URB2: variants seen among roughly 807,000 people sequenced by gnomAD.
The protein encoded by URB2 is unhealthy ribosome biogenesis protein 2 homolog.
Under a neutral mutation model 120.9 loss-of-function variants are expected in URB2, and 86 were observed. That is an observed-to-expected ratio of 0.71 (90% CI 0.60 to 0.85). URB2 has a LOEUF of 0.85. Ranked by LOEUF, URB2 falls within the 40% of genes least tolerant of loss-of-function variation. The pLI is 0.00. For synonymous variants in URB2, 755 were observed against 758.4 expected (o/e 1.00, Z 0.07); for missense variants, 1,765 against 1,836.5 (o/e 0.96, Z 0.71).
At position 229,635,034 on chromosome 1, in the gene URB2, G is replaced by A. The variant is rs751296844; in HGVS notation, c.421G>A (p.Ala141Thr). The change falls in exon 4 of 10, where the codon GCC becomes ACC. Residue 141 changes from alanine (A) to threonine (T), a missense_variant. Coordinates refer to ENST00000258243, the MANE Select transcript of URB2 (RefSeq NM_014777.4). ...ACCTGCCCTGGCTGTCATCTACACG[G>A]CCAAACAGGAGCTGATGGTGGCCTT... ...STPALAVIYTAKQELMVALLS... is the reference protein window; with the variant it reads ...STPALAVIYTTKQELMVALLS... 1.2e-6 allele frequency: 2 copies of A among 1,614,002 alleles called. No homozygotes were observed. The highest frequency in any genetic ancestry group is 1.7e-5 in the Admixed American group (1 of 60,006).
Position 229,637,039 on chromosome 1 carries a change from C to T in URB2, c.2426C>T (p.Ser809Phe). 6.2e-7 allele frequency: 1 copy of T among 1,614,080 alleles called. No individual in the cohort carries two copies. The highest frequency in any genetic ancestry group is 1.1e-5 in the South Asian group (1 of 91,082). The stretch of plus-strand genomic sequence containing the variant: ...TTTCCAGAGATGCAGTCCCTTCATT[C>T]TGCTTTCTTAACGTGCGTAACCACA... ...PLFPEMQSLH[S>F]AFLTCVTTSC... Residue 809 changes from serine to phenylalanine, a missense_variant, in exon 4 of 10, where the codon TCT becomes TTT. Physicochemically the swap from Ser to Phe is radical, Grantham distance 155. Transcript: ENST00000258243.
At chr1:229,640,650 G>A (rs572862660) in intron 4 of URB2, among the ~76,000 whole-genome samples, 1 of 152,138 alleles carries the variant, frequency 6.6e-6, no homozygotes, top group Non-Finnish European at 1.5e-5. Context: ...ATGGGTTCTC[G>A]CAGAAAGTAA....
At chr1:229,654,099 T>TATCATTAAAAAA in intron 8 of URB2, 150 bp from the exon 9 acceptor site, 1 of 1,125,808 alleles carries the variant, frequency 8.9e-7, no homozygotes, top group South Asian at 1.6e-5. Flanking sequence ...CTGTTCTCCC[T>TATCATTAAAAAA]TATTCTGTCT....
intron 4 of URB2, among the ~76,000 whole-genome samples, chr1:229,639,091 A>G (rs937302393): frequency 2.6e-5 from 4 of 152,070 alleles, no homozygotes; most frequent in African/African-American, 4.8e-5. Context: ...GAGGGGGCAG[A>G]TTGCTTGAGT....
chr1:229,653,547 GA>G (rs1362863232), intron 8 of URB2, among the ~76,000 whole-genome samples: 1 of 152,152 alleles, frequency 6.6e-6, no homozygotes, highest in Non-Finnish European at 1.5e-5. Context: ...CCATTGTGCT[GA>G]ATGACAGCAG....
intron 6 of URB2, among the ~76,000 whole-genome samples, chr1:229,647,129 G>A (rs1453664271): frequency 6.6e-6 from 1 of 152,184 alleles, no homozygotes. Flanking sequence ...TCCACCCAGA[G>A]GGTGTAGCAG....
Position 229,637,992 on chromosome 1 carries a change from G to A in URB2, c.3379G>A (p.Asp1127Asn), listed in dbSNP as rs1160555714. 1.2e-6 allele frequency: 2 copies of A among 1,613,458 alleles called. No individual in the cohort carries two copies. The highest frequency in any genetic ancestry group is 1.1e-5 in the South Asian group (1 of 90,984). The change falls in exon 4 of 10, where the codon GAC becomes AAC. Residue 1127 changes from aspartate (D) to asparagine (N), a missense_variant. Physicochemically the swap from Asp to Asn is conservative, Grantham distance 23 (BLOSUM62 1). Transcript: ENST00000258243. ...ATCCGTCAGCACGCTCTTGGAAGCC[G>A]ACCTGGGTCAGCACTGCAGGGATGG... Reference protein sequence around the residue: ...ISSVSTLLEADLGQHCRDGGA... With the variant: ...ISSVSTLLEANLGQHCRDGGA...
At position 229,635,738 on chromosome 1, in the gene URB2, C is replaced by A. The variant is rs747159360; in HGVS notation, c.1125C>A (p.Ile375=). Residue 375 remains isoleucine, a synonymous_variant, in exon 4 of 10, where the codon ATC becomes ATA. Transcript: ENST00000258243. ...NSVANNNIYN[I]AADRIRHEEA... is the part of the protein sequence containing the mutation. ...TGGCCAACAACAATATCTACAACATCGCTGCCGACAGAATTCGGCACGAAG... is the reference window on the plus strand; with the variant it reads ...TGGCCAACAACAATATCTACAACATAGCTGCCGACAGAATTCGGCACGAAG... 1.9e-6 allele frequency: 3 copies of A among 1,614,170 alleles called. No individual in the cohort carries two copies. The highest frequency in any genetic ancestry group is 1.7e-6 in the Non-Finnish European group (2 of 1,180,046).
At position 229,636,816 on chromosome 1, in the gene URB2, T is replaced by C. The variant is rs1206103643; in HGVS notation, c.2203T>C (p.Tyr735His). 1.9e-6 allele frequency: 3 copies of C among 1,612,886 alleles called. No individual in the cohort carries two copies. Among genetic ancestry groups the C allele is most frequent in the African/African-American group, 2.7e-5 (2 of 74,888 alleles). Reference protein sequence around the residue: ...GQVGMVSGLTYPVAHWHLIVS... With the variant: ...GQVGMVSGLTHPVAHWHLIVS... ...AGTTGGGATGGTGAGTGGACTCACA[T>C]ACCCTGTAGCACACTGGCACTTGAT... Residue 735 changes from tyrosine to histidine, a missense_variant, in exon 4 of 10, where the codon TAC becomes CAC. By Grantham distance (83) the Tyr-to-His change is moderately conservative. Transcript: ENST00000258243.
intron 3 of URB2, among the ~76,000 whole-genome samples, chr1:229,633,425 G>A (rs1665719638): frequency 6.6e-6 from 1 of 152,176 alleles, no homozygotes; most frequent in African/African-American, 2.4e-5. Context: ...AAATGTTAGT[G>A]CTGCAGCATA....
intron 5 of URB2, among the ~76,000 whole-genome samples, chr1:229,645,045 G>T (rs1046402243): frequency 2.6e-5 from 4 of 152,088 alleles, no homozygotes; most frequent in African/African-American, 9.7e-5. Flanking sequence ...CAGCACTTTG[G>T]GAGGCCAAGG....
chr1:229,654,734 C>G (rs960415412), intron 9 of URB2, among the ~76,000 whole-genome samples: 1 of 152,144 alleles, frequency 6.6e-6, no homozygotes, highest in Non-Finnish European at 1.5e-5. Context: ...TCAGGCCTTC[C>G]TTTCTCTTCA....
intron 3 of URB2, among the ~76,000 whole-genome samples, chr1:229,633,076 G>A (rs1408144645): frequency 3.3e-5 from 5 of 152,260 alleles, no homozygotes; most frequent in African/African-American, 9.6e-5. Flanking sequence ...GCTAGTTAGT[G>A]GCACAGCTGG....
chr1:229,638,160 A>ACTC lies in URB2; in HGVS notation c.3548_3550dup (p.Thr1183_Leu1184insPro), dbSNP rs1472276248. 1.2e-6 allele frequency: 2 copies of ACTC among 1,613,406 alleles called. No individual in the cohort carries two copies. The highest frequency in any genetic ancestry group is 3.3e-5 in the Admixed American group (2 of 59,952). On this transcript the variant is annotated inframe_insertion, in exon 4 of 10. Coordinates refer to ENST00000258243, the MANE Select transcript of URB2 (RefSeq NM_014777.4). ...TTTTCAGGCAGCCTTGCAGTTTTTG[A>ACTC]CTCTGTTCTTTTTGGCCCCAGAACT...
At chr1:229,629,327 T>A (rs747249269) in intron 2 of URB2, among the ~76,000 whole-genome samples, 5 of 152,242 alleles carry the variant, frequency 3.3e-5, no homozygotes, top group Non-Finnish European at 5.9e-5. Flanking sequence ...AACTCTTAAC[T>A]TACTTTTTTG....
At chr1:229,640,715 A>G (rs1665989678) in intron 4 of URB2, among the ~76,000 whole-genome samples, 1 of 152,138 alleles carries the variant, frequency 6.6e-6, no homozygotes, top group South Asian at 2.1e-4. Flanking sequence ...GGGCCAAATC[A>G]CGCTGCTGTT....
At position 229,635,006 on chromosome 1, in the gene URB2, G is replaced by T; in HGVS notation, c.393G>T (p.Ser131=). Residue 131 remains serine, a synonymous_variant, in exon 4 of 10, where the codon TCG becomes TCT. Transcript: ENST00000258243. The part of the protein sequence containing the change: ...AVLRCCQGIL[S]TPALAVIYTA... ...TTCGATGTTGCCAGGGCATCCTGTCGACACCTGCCCTGGCTGTCATCTACA... is the reference window on the plus strand; with the variant it reads ...TTCGATGTTGCCAGGGCATCCTGTCTACACCTGCCCTGGCTGTCATCTACA... 1 of 1,612,288 alleles carries T rather than the reference G, an allele frequency of 6.2e-7. No homozygotes were observed. Among genetic ancestry groups the T allele is most frequent in the South Asian group, 1.1e-5 (1 of 90,950 alleles).
At chr1:229,654,947 TG>T (rs1233619409) in intron 9 of URB2, among the ~76,000 whole-genome samples, 3 of 152,144 alleles carry the variant, frequency 2.0e-5, no homozygotes, top group Non-Finnish European at 4.4e-5. Context: ...GGAGAGGAAA[TG>T]TTACTCAGGT....
At chr1:229,648,696 C>G (rs1365175804) in intron 7 of URB2, among the ~76,000 whole-genome samples, 1 of 152,216 alleles carries the variant, frequency 6.6e-6, no homozygotes, top group East Asian at 1.9e-4. Context: ...GAGTCTAAAC[C>G]TTAGACTCAA....
Sources: allele counts gnomAD v4.1 joint callset (sites outside exome capture counted in the v4.1 genomes callset), GRCh38; gene constraint gnomAD v4.1.1; transcripts MANE v1.5; gene names NCBI Gene and HGNC (gene_info 2026-07-23, HGNC 2026-07-21).